The following NECAB1 variants were observed in gnomAD, a reference collection of about 807,000 sequenced individuals.
NECAB1 encodes the protein N-terminal EF-hand calcium binding protein 1, also known as N-terminal EF-hand calcium-binding protein 1.
NECAB1 carries 29 observed loss-of-function variants against 57.5 expected under a neutral mutation model. The observed-to-expected ratio is 0.50, with a 90% CI of 0.38 to 0.69. NECAB1 has a LOEUF of 0.69. NECAB1 is among the 30% of genes least tolerant of loss of function. The pLI, the probability that NECAB1 is intolerant of heterozygous loss-of-function variation, is 0.00. For missense variants in NECAB1, 372 were observed against 413.8 expected (o/e 0.90, Z 0.88); for synonymous variants, 142 against 147.7 (o/e 0.96, Z 0.28).
chr8:90,878,710 A>G (rs1450443981), intron 4 of NECAB1, among the ~76,000 whole-genome samples: 1 of 152,076 alleles, frequency 6.6e-6, no homozygotes, highest in Admixed American at 6.6e-5. Context: ...AAGGACAGAA[A>G]GAATGAAGTC....
chr8:90,906,889 A>ATGTATATATATATATGTATG (rs1370948313), intron 5 of NECAB1, among the ~76,000 whole-genome samples: 1 of 72,856 alleles, frequency 1.4e-5, no homozygotes, highest in African/African-American at 5.7e-5. Context: ...ATATATATAT[A>ATGTATATATATATATGTATG]TATATATATA....
Position 90,951,129 on chromosome 8 carries a change from T to G in NECAB1, c.955T>G (p.Tyr319Asp). The change falls in exon 12 of 13, where the codon TAT becomes GAT. Residue 319 changes from tyrosine to aspartate, a missense_variant. Physicochemically the swap from Tyr to Asp is radical, Grantham distance 160 (BLOSUM62 -3). Transcript: ENST00000417640. ...SVWNSHLQTN[Y>D]SKTFQRSNVD... ...TTTATACAGCCACCTTCAGACAAAT[T>G]ATAGCAAGACATTCCAAAGAAGTAA... 1 of 1,597,232 alleles carries G rather than the reference T, an allele frequency of 6.3e-7. No homozygotes were observed. Among genetic ancestry groups the G allele is most frequent in the Non-Finnish European group, 8.5e-7 (1 of 1,171,138 alleles).
intron 12 of NECAB1, among the ~76,000 whole-genome samples, chr8:90,951,543 T>A (rs761062863): frequency 7.9e-5 from 12 of 152,154 alleles, no homozygotes; most frequent in Non-Finnish European, 1.3e-4. Context: ...TACAATTTGT[T>A]CATCTACCCA....
intron 3 of NECAB1, among the ~76,000 whole-genome samples, chr8:90,840,192 T>G (rs1485193045): frequency 2.6e-5 from 4 of 152,244 alleles, no homozygotes; most frequent in Non-Finnish European, 4.4e-5. Flanking sequence ...AGACGTGACT[T>G]GACTTCAGAA....
At chr8:90,894,596 C>T (rs1563522290) in intron 5 of NECAB1, among the ~76,000 whole-genome samples, 1 of 152,112 alleles carries the variant, frequency 6.6e-6, no homozygotes, top group African/African-American at 2.4e-5. Context: ...ATAATAGGCA[C>T]AATATAGGCA....
At chr8:90,953,019 T>G (rs756610072) in intron 12 of NECAB1, among the ~76,000 whole-genome samples, 6 of 152,146 alleles carry the variant, frequency 3.9e-5, no homozygotes, top group Non-Finnish European at 8.8e-5. Context: ...TCATCATAAA[T>G]ATATTGGTCT....
chr8:90,925,575 C>A lies in NECAB1; in HGVS notation c.535C>A (p.Pro179Thr). ...GCCAGAAGTCCTGTCGATTCAATGG[C>A]CTGGAAAACGATCAAGCCGCCGAGT... ...AKPEVLSIQW[P>T]GKRSSRRVQR... is the part of the protein sequence containing the mutation. The change falls in exon 7 of 13, where the codon CCT becomes ACT. Residue 179 changes from proline to threonine, a missense_variant. Pro to Thr is a conservative substitution (Grantham distance 38). Coordinates refer to ENST00000417640, the MANE Select transcript of NECAB1 (RefSeq NM_022351.5). The A allele has an allele frequency of 1.2e-6, 2 of 1,613,310 alleles. No individual in the cohort carries two copies. The highest frequency in any genetic ancestry group is 2.7e-5 in the African/African-American group (2 of 75,054).
At chr8:90,828,268 G>A (rs1328309391) in intron 3 of NECAB1, among the ~76,000 whole-genome samples, 1 of 151,726 alleles carries the variant, frequency 6.6e-6, no homozygotes, top group Non-Finnish European at 1.5e-5. Flanking sequence ...AAAGATTTCT[G>A]CAAAGATTTT....
At chr8:90,918,576 C>A (rs1053759329) in intron 6 of NECAB1, among the ~76,000 whole-genome samples, 3 of 152,134 alleles carry the variant, frequency 2.0e-5, no homozygotes, top group African/African-American at 7.2e-5. Flanking sequence ...AAGTCAATTT[C>A]ATGGAGTTTC....
chr8:90,890,563 G>A (rs1809137432), intron 5 of NECAB1, among the ~76,000 whole-genome samples: 1 of 152,026 alleles, frequency 6.6e-6, no homozygotes, highest in African/African-American at 2.4e-5. Flanking sequence ...ATATACAAAT[G>A]TATATATAAT....
rs745785921 is a variant in NECAB1, at chr8:90,925,459, C to T, written c.495-76C>T. On this transcript the variant is annotated intron_variant, in intron 6 of 12. Coordinates refer to ENST00000417640, the MANE Select transcript of NECAB1 (RefSeq NM_022351.5). ...TGCACTAGAAAACCTTTATGACTGA[C>T]GCATGAAGATCTCTTCCCTGAAGGA... 3.3e-4 allele frequency: 492 copies of T among 1,511,546 alleles called. 1 individual carries two copies. The highest frequency in any genetic ancestry group is 1.6e-4 in the Non-Finnish European group (179 of 1,108,782). The allele number at this position is 1,511,546 out of a possible 1,614,324, so 93.6% of individuals were successfully genotyped here. A position where few individuals can be genotyped will look rare whatever the true frequency, so the allele number is the denominator to read the frequency against.
intron 3 of NECAB1, among the ~76,000 whole-genome samples, chr8:90,837,702 T>C (rs1334556842): frequency 6.6e-6 from 1 of 152,192 alleles, no homozygotes; most frequent in Non-Finnish European, 1.5e-5. Context: ...AATAATAGAA[T>C]TGTGTCTAGT....
intron 10 of NECAB1, among the ~76,000 whole-genome samples, chr8:90,944,950 T>C (rs1810763636): frequency 6.6e-6 from 1 of 152,082 alleles, no homozygotes. Context: ...CAGGCTGAAG[T>C]GCAGTGGTGC....
At chr8:90,796,063 G>T (rs1039338140) in intron 1 of NECAB1, among the ~76,000 whole-genome samples, 5 of 152,002 alleles carry the variant, frequency 3.3e-5, no homozygotes, top group African/African-American at 1.2e-4. Context: ...TCCCACACTG[G>T]GCCTACCCTA....
chr8:90,841,231 G>A (rs937444953), intron 3 of NECAB1, among the ~76,000 whole-genome samples: 2 of 151,092 alleles, frequency 1.3e-5, no homozygotes, highest in Non-Finnish European at 2.9e-5. Context: ...CTGCACTCCA[G>A]CCTAGGTGAC....
chr8:90,928,114 G>A (rs553551425), intron 7 of NECAB1, 109 bp from the exon 8 acceptor site: 2 of 808,980 alleles, frequency 2.5e-6, no homozygotes. Flanking sequence ...TGACCAGTCA[G>A]TGACACTGCA....
At chr8:90,930,375 G>A (rs1046484990) in intron 8 of NECAB1, among the ~76,000 whole-genome samples, 1 of 152,184 alleles carries the variant, frequency 6.6e-6, no homozygotes, top group African/African-American at 2.4e-5. Context: ...TAACAGAAAA[G>A]GAAGAGACAC....
intron 2 of NECAB1, 24 bp downstream of exon 2, chr8:90,801,739 C>G (rs756476572): frequency 1.9e-5 from 27 of 1,458,766 alleles, no homozygotes; most frequent in African/African-American, 2.8e-5. Context: ...TCTACAGTAT[C>G]TATTTATTAA....
rs1015663979 is a variant in NECAB1, at chr8:90,957,831, A to G, written c.*2319A>G. The G allele has an allele frequency of 6.7e-6, 1 of 150,178 alleles. No individual in the cohort carries two copies. Among genetic ancestry groups the G allele is most frequent in the Non-Finnish European group, 1.5e-5 (1 of 67,186 alleles). 9.3% of individuals were successfully genotyped at this position (150,178 alleles called of 1,614,324 possible). On this transcript the variant is annotated 3_prime_UTR_variant, in exon 13 of 13. Coordinates refer to ENST00000417640, the MANE Select transcript of NECAB1 (RefSeq NM_022351.5). Reference sequence around the variant, plus strand: ...TTCCTAAAGAACAAAGTAGTAAAATAAAAAAAAATTTAAAAAATTAAAAAA... The same window carrying G: ...TTCCTAAAGAACAAAGTAGTAAAATGAAAAAAAATTTAAAAAATTAAAAAA...
Sources: allele counts gnomAD v4.1 joint callset (sites outside exome capture counted in the v4.1 genomes callset), GRCh38; gene constraint gnomAD v4.1.1; transcripts MANE v1.5; gene names NCBI Gene and HGNC (gene_info 2026-07-23, HGNC 2026-07-21).